The following INSYN2B variants were observed in gnomAD, a reference collection of about 807,000 sequenced individuals.
INSYN2B encodes protein INSYN2B.
A neutral mutation model predicts 41.2 loss-of-function variants in INSYN2B; 16 were observed. The observed-to-expected ratio is 0.39, with a 90% CI of 0.26 to 0.59. The LOEUF is 0.59. Among genes scored for constraint, INSYN2B ranks in the 20% least tolerant of loss-of-function variants. The pLI is 0.57. For synonymous variants in INSYN2B, 245 were observed against 244.4 expected (o/e 1.00, Z -0.02); for missense variants, 608 against 646.4 (o/e 0.94, Z 0.64).
In INSYN2B at chr5:169,883,229, C is replaced by T; in HGVS notation, c.670G>A (p.Asp224Asn). The T allele has an allele frequency of 1.9e-6, 3 of 1,551,620 alleles. No homozygotes were observed. In the South Asian group the frequency reaches 3.6e-5, roughly 18 times the overall value. The part of the protein sequence containing the change: ...WEARESALSP[D>N]RSAEVSNSIH... ...GAGTTACTTACTTCAGCTGACCTGT[C>T]TGGGCTGAGAGCAGACTCTCTAGCT... The change falls in exon 2 of 4, where the codon GAC becomes AAC. Residue 224 changes from aspartate (D) to asparagine (N), a missense_variant. Asp to Asn is a conservative substitution (Grantham distance 23, BLOSUM62 1). Coordinates refer to ENST00000377365, the MANE Select transcript of INSYN2B (RefSeq NM_001129891.3).
intron 1 of INSYN2B, among the ~76,000 whole-genome samples, chr5:169,907,776 C>A (rs555390260): frequency 1.3e-4 from 20 of 152,274 alleles, no homozygotes; most frequent in Middle Eastern, 6.8e-3. Context: ...ACTCTGCAAC[C>A]TTACAGGGAC....
chr5:169,894,571 A>G (rs261067), intron 1 of INSYN2B, among the ~76,000 whole-genome samples: 6 of 152,002 alleles, frequency 3.9e-5, no homozygotes, highest in Non-Finnish European at 8.8e-5. Flanking sequence ...GAAGGGGGGA[A>G]GTTTATGGTC....
chr5:169,883,002 T>G lies in INSYN2B; in HGVS notation c.897A>C (p.Glu299Asp), dbSNP rs1460650093. The change falls in exon 2 of 4, where the codon GAA becomes GAC. Residue 299 changes from glutamate (E) to aspartate (D), a missense_variant. Transcript: ENST00000377365. Reference protein sequence around the residue: ...DLGSLSSQSKETCVPSSPRTH... With the variant: ...DLGSLSSQSKDTCVPSSPRTH... ...TCCGTGGAGATGAAGGAACACACGT[T>G]TCCTTTGACTGAGATGACAGTGAGC... 6 of 1,551,736 alleles carry G rather than the reference T, an allele frequency of 3.9e-6. No homozygotes were observed. The highest frequency in any genetic ancestry group is 5.2e-6 in the Non-Finnish European group (6 of 1,146,962).
chr5:169,973,758 A>G (rs1169961346), intron 1 of INSYN2B, among the ~76,000 whole-genome samples: 1 of 152,226 alleles, frequency 6.6e-6, no homozygotes, highest in Non-Finnish European at 1.5e-5. Context: ...AGCCATAGAG[A>G]ATAGTCATTA....
intron 1 of INSYN2B, among the ~76,000 whole-genome samples, chr5:169,893,298 G>GA (rs1393686557): frequency 6.6e-6 from 1 of 152,118 alleles, no homozygotes; most frequent in Non-Finnish European, 1.5e-5. Flanking sequence ...TTCTCCAGGG[G>GA]AAAGCCTTTA....
intron 1 of INSYN2B, among the ~76,000 whole-genome samples, chr5:169,894,989 G>C (rs1773514889): frequency 6.6e-6 from 1 of 152,178 alleles, no homozygotes; most frequent in Non-Finnish European, 1.5e-5. Context: ...GAACATCTCT[G>C]TGGCTTTTTG....
chr5:169,931,715 C>T (rs568063680), intron 1 of INSYN2B, among the ~76,000 whole-genome samples: 37 of 152,280 alleles, frequency 2.4e-4, no homozygotes, highest in African/African-American at 8.2e-4. Context: ...GTTCCTAGCA[C>T]AGTAGCTCAC....
At chr5:169,895,018 C>T (rs1468952060) in intron 1 of INSYN2B, among the ~76,000 whole-genome samples, 1 of 152,174 alleles carries the variant, frequency 6.6e-6, no homozygotes, top group East Asian at 1.9e-4. Context: ...TTCCTCCTCT[C>T]GTGCAGGAAT....
intron 1 of INSYN2B, among the ~76,000 whole-genome samples, chr5:169,958,761 A>G (rs959994805): frequency 6.6e-6 from 1 of 152,206 alleles, no homozygotes; most frequent in Non-Finnish European, 1.5e-5. Context: ...GCATTCAGGC[A>G]GGAGGGGCTG....
intron 1 of INSYN2B, among the ~76,000 whole-genome samples, chr5:169,949,750 T>C (rs929893268): frequency 1.6e-5 from 2 of 121,922 alleles, no homozygotes; most frequent in Admixed American, 7.9e-5. Context: ...TACACAGAGG[T>C]GTAGCATTTC....
At chr5:169,877,808 C>A (rs1361219768) in intron 3 of INSYN2B, among the ~76,000 whole-genome samples, 1 of 152,074 alleles carries the variant, frequency 6.6e-6, no homozygotes, top group East Asian at 1.9e-4. Flanking sequence ...CCTGGACAAA[C>A]AAAACCTCTT....
intron 1 of INSYN2B, among the ~76,000 whole-genome samples, chr5:169,903,185 G>C (rs988017279): frequency 1.3e-5 from 2 of 151,908 alleles, no homozygotes; most frequent in African/African-American, 4.8e-5. Context: ...GCTGAGGTGG[G>C]AGGATCTTTT....
chr5:169,969,706 G>T (rs530260982), intron 1 of INSYN2B, among the ~76,000 whole-genome samples: 2 of 152,120 alleles, frequency 1.3e-5, no homozygotes, highest in African/African-American at 4.8e-5. Context: ...GAACTAGGTG[G>T]GGTGACCAAC....
chr5:169,938,138 G>A (rs777698622), intron 1 of INSYN2B, among the ~76,000 whole-genome samples: 8 of 152,138 alleles, frequency 5.3e-5, no homozygotes, highest in Admixed American at 2.0e-4. Flanking sequence ...AATGCTCCCT[G>A]CCTCTCTAAA....
At chr5:169,867,793 G>T (rs1423853102) in intron 3 of INSYN2B, among the ~76,000 whole-genome samples, 1 of 152,168 alleles carries the variant, frequency 6.6e-6, no homozygotes, top group African/African-American at 2.4e-5. Context: ...CTGGGGTGTG[G>T]TGGAGTGGGT....
chr5:169,878,483 A>G (rs1164884956), intron 3 of INSYN2B, among the ~76,000 whole-genome samples: 1 of 152,226 alleles, frequency 6.6e-6, no homozygotes, highest in Non-Finnish European at 1.5e-5. Flanking sequence ...AGTAAAAATG[A>G]TTGTATTCTA....
intron 1 of INSYN2B, among the ~76,000 whole-genome samples, chr5:169,965,971 A>G (rs1777281687): frequency 6.6e-6 from 1 of 152,174 alleles, no homozygotes; most frequent in Non-Finnish European, 1.5e-5. Context: ...ATCAGCTGGG[A>G]CCTTGGAGAC....
intron 1 of INSYN2B, among the ~76,000 whole-genome samples, chr5:169,948,147 C>T (rs146900580): frequency 2.0e-4 from 30 of 152,198 alleles, no homozygotes; most frequent in African/African-American, 5.1e-4. Context: ...GTGAAAATTT[C>T]ATCCAACCTC....
chr5:169,949,404 G>A (rs1015071864), intron 1 of INSYN2B, among the ~76,000 whole-genome samples: 3 of 152,154 alleles, frequency 2.0e-5, no homozygotes, highest in Admixed American at 1.3e-4. Flanking sequence ...TGCCTGAAGG[G>A]ATGGCTTTTG....
Sources: allele counts gnomAD v4.1 joint callset (sites outside exome capture counted in the v4.1 genomes callset), GRCh38; gene constraint gnomAD v4.1.1; transcripts MANE v1.5; gene names NCBI Gene and HGNC (gene_info 2026-07-23, HGNC 2026-07-21).